Variants in NSD3 observed in about 807,000 individuals in gnomAD.
NSD3 encodes the protein nuclear receptor binding SET domain protein 3, also known as histone-lysine N-methyltransferase NSD3.
Under a neutral mutation model 160.8 loss-of-function variants are expected in NSD3, and 24 were observed. The ratio of observed to expected loss-of-function variants is 0.15; its 90% CI spans 0.11 to 0.21. NSD3 has a LOEUF of 0.21. Among genes scored for constraint, NSD3 ranks in the 10% least tolerant of loss-of-function variants. The pLI is 1.00. For missense variants in NSD3, 1,157 were observed against 1,735.9 expected (o/e 0.67, Z 5.93); for synonymous variants, 520 against 600.0 (o/e 0.87, Z 1.95).
At chr8:38,289,370 C>T (rs1225074245) in intron 18 of NSD3, 23 bp downstream of exon 18, 1 of 1,583,508 alleles carries the variant, frequency 6.3e-7, no homozygotes, top group Admixed American at 1.8e-5. Flanking sequence ...TTTGGCAATC[C>T]CAGGCCAGAG....
rs778025315 is a variant in NSD3, at chr8:38,290,442, G to A, written c.3118+33C>T. The A allele has an allele frequency of 1.9e-6, 3 of 1,609,954 alleles. No individual in the cohort carries two copies. In the South Asian group the frequency reaches 3.3e-5, roughly 18 times the overall value. On this transcript the variant is annotated intron_variant, in intron 17 of 23. Coordinates refer to ENST00000317025, the MANE Select transcript of NSD3 (RefSeq NM_023034.2). ...TTGAGAAACTGACACCGGAGTTGTA[G>A]TTTTGAGTCACTGTAAACATCATCC... is the stretch of plus-strand genomic sequence containing the variant.
At position 38,321,169 on chromosome 8, in the gene NSD3, G is replaced by A. The variant is rs761714577; in HGVS notation, c.1712C>T (p.Ser571Leu). 10 of 1,610,280 alleles carry A rather than the reference G, an allele frequency of 6.2e-6. No individual in the cohort carries two copies. Among genetic ancestry groups the A allele is most frequent in the South Asian group, 1.1e-5 (1 of 90,740 alleles). The change falls in exon 8 of 24, where the codon TCA (serine) becomes TTA (leucine). Residue 571 changes from serine (S) to leucine (L), a missense_variant. Coordinates refer to ENST00000317025, the MANE Select transcript of NSD3 (RefSeq NM_023034.2). This position sits in a 1 kb window ranked among gnomAD's most constrained non-coding sequence, Gnocchi z 4.7. ...SPEATSGSTG[S>L]VEKKQQRRSI... ...TCTTCTCTGTTGCTTCTTTTCTACTGAGCCTAAGAAATGATTTAAACACAC... is the reference window on the plus strand; with the variant it reads ...TCTTCTCTGTTGCTTCTTTTCTACTAAGCCTAAGAAATGATTTAAACACAC...
At chr8:38,378,347 A>G (rs970434759) in intron 1 of NSD3, among the ~76,000 whole-genome samples, 1 of 152,004 alleles carries the variant, frequency 6.6e-6, no homozygotes, top group African/African-American at 2.4e-5. Context: ...CTACTAAAAA[A>G]AATACAAAAA....
At position 38,329,289 on chromosome 8, in the gene NSD3, A is replaced by G; in HGVS notation, c.1581+89T>C. On this transcript the variant is annotated intron_variant, in intron 6 of 23. Coordinates refer to ENST00000317025, the MANE Select transcript of NSD3 (RefSeq NM_023034.2). The surrounding 1 kb of genome is among the most constrained non-coding windows in gnomAD (Gnocchi z 4.8). ...AATTCAGTGGGTAGAAAGGGTATTT[A>G]AATTATGCCAAGGTCATTGTTTTAA... is the stretch of plus-strand genomic sequence containing the variant. 1 of 1,443,670 alleles carries G rather than the reference A, an allele frequency of 6.9e-7. No homozygotes were observed. Among genetic ancestry groups the G allele is most frequent in the South Asian group, 1.4e-5 (1 of 71,118 alleles). The allele number at this position is 1,443,670 out of a possible 1,614,324, so 89.4% of individuals were successfully genotyped here. A position where few individuals can be genotyped will look rare whatever the true frequency, so the allele number is the denominator to read the frequency against.
chr8:38,343,906 G>A (rs1810448283), intron 2 of NSD3, among the ~76,000 whole-genome samples: 2 of 152,106 alleles, frequency 1.3e-5, no homozygotes, highest in South Asian at 2.1e-4. Flanking sequence ...CTGCCTTAGT[G>A]GATTAGCCCA....
At chr8:38,367,695 G>A (rs1718445224) in intron 1 of NSD3, among the ~76,000 whole-genome samples, 1 of 152,088 alleles carries the variant, frequency 6.6e-6, no homozygotes, top group Admixed American at 6.6e-5. Flanking sequence ...CTGGGTGACA[G>A]AGTGAGACTC....
intron 15 of NSD3, among the ~76,000 whole-genome samples, chr8:38,296,859 G>A (rs1233215061): frequency 6.6e-6 from 1 of 152,064 alleles, no homozygotes; most frequent in Non-Finnish European, 1.5e-5. Flanking sequence ...TTACAGGCGT[G>A]AGCCACCATG....
At chr8:38,351,765 G>T (rs185248112) in intron 1 of NSD3, among the ~76,000 whole-genome samples, 1 of 151,488 alleles carries the variant, frequency 6.6e-6, no homozygotes, top group African/African-American at 2.4e-5. Flanking sequence ...GCAAACTATC[G>T]CAAGGACAAA....
intron 2 of NSD3, among the ~76,000 whole-genome samples, chr8:38,341,565 T>G (rs997207668): frequency 1.3e-4 from 19 of 149,790 alleles, no homozygotes; most frequent in African/African-American, 4.4e-4. Flanking sequence ...AAAATTACAA[T>G]CTAAGAATCA....
At position 38,271,065 on chromosome 8, in the gene NSD3, G is replaced by T. The variant is rs1808456187; in HGVS notation, c.*4576C>A. ...TGCTTGGGGAGAGGGTTGACAAAAT[G>T]ACAAAATAAAGAATGTACATAAAAA... On this transcript the variant is annotated 3_prime_UTR_variant, in exon 24 of 24. Transcript: ENST00000317025. 6.6e-6 allele frequency: 1 copy of T among 152,096 alleles called. No individual in the cohort carries two copies. The highest frequency in any genetic ancestry group is 1.5e-5 in the Non-Finnish European group (1 of 68,004). The allele number at this position is 152,096 out of a possible 1,614,324, so 9.4% of individuals were successfully genotyped here.
intron 1 of NSD3, among the ~76,000 whole-genome samples, chr8:38,348,577 ATC>A (rs1246296952): frequency 1.3e-5 from 2 of 152,270 alleles, no homozygotes; most frequent in South Asian, 4.1e-4. Flanking sequence ...ACACATATCA[ATC>A]TGCTTCCATA....
At chr8:38,352,103 A>T (rs1290084881) in intron 1 of NSD3, among the ~76,000 whole-genome samples, 2 of 152,126 alleles carry the variant, frequency 1.3e-5, no homozygotes, top group Non-Finnish European at 2.9e-5. Context: ...TATTATTAAT[A>T]GATTAATAAT....
At chr8:38,338,386 T>A (rs1328370048) in intron 3 of NSD3, 150 bp downstream of exon 3, 3 of 566,678 alleles carry the variant, frequency 5.3e-6, no homozygotes, top group Non-Finnish European at 9.4e-6. Context: ...ACTGAAAATA[T>A]CCACCTATCA....
intron 19 of NSD3, among the ~76,000 whole-genome samples, chr8:38,282,626 G>A (rs1461225051): frequency 6.6e-6 from 1 of 152,114 alleles, no homozygotes; most frequent in Non-Finnish European, 1.5e-5. Flanking sequence ...GGCCGAGATC[G>A]CGCCACTGCC....
At position 38,273,032 on chromosome 8, in the gene NSD3, G is replaced by A. The variant is rs1319666062; in HGVS notation, c.*2609C>T. The A allele has an allele frequency of 6.6e-6, 1 of 152,292 alleles. No individual in the cohort carries two copies. Among genetic ancestry groups the A allele is most frequent in the African/African-American group, 2.4e-5 (1 of 41,436 alleles). 9.4% of individuals were successfully genotyped at this position (152,292 alleles called of 1,614,324 possible). ...CATGGCCAAAGACTTCAGAACTATG[G>A]TTACCTTTTTTTTTTGAGATGGAGT... On this transcript the variant is annotated 3_prime_UTR_variant, in exon 24 of 24. Transcript: ENST00000317025.
At chr8:38,294,674 A>G (rs1426184224) in intron 16 of NSD3, among the ~76,000 whole-genome samples, 1 of 152,064 alleles carries the variant, frequency 6.6e-6, no homozygotes, top group Non-Finnish European at 1.5e-5. Flanking sequence ...TCTAATTAAG[A>G]CACAAAGAAA....
intron 1 of NSD3, among the ~76,000 whole-genome samples, chr8:38,371,875 C>G (rs1811250283): frequency 6.6e-6 from 1 of 152,180 alleles, no homozygotes. Context: ...TTTCTGCTAT[C>G]CTAATCCTCA....
At chr8:38,326,278 G>C (rs1026224393) in intron 7 of NSD3, among the ~76,000 whole-genome samples, 3 of 152,204 alleles carry the variant, frequency 2.0e-5, no homozygotes, top group Non-Finnish European at 4.4e-5. Flanking sequence ...GTTACATTAG[G>C]ACAATTAGGC....
At chr8:38,324,794 G>T (rs1316699856) in intron 7 of NSD3, among the ~76,000 whole-genome samples, 4 of 152,148 alleles carry the variant, frequency 2.6e-5, no homozygotes. Flanking sequence ...GAGTGGGGCT[G>T]AAGACTGAGT....
Sources: allele counts gnomAD v4.1 joint callset (sites outside exome capture counted in the v4.1 genomes callset), GRCh38; gene constraint gnomAD v4.1.1; non-coding constraint Gnocchi (gnomAD v3.1); transcripts MANE v1.5; gene names NCBI Gene and HGNC (gene_info 2026-07-23, HGNC 2026-07-21).